The following CDCP2 variants were observed in gnomAD, a reference collection of about 807,000 sequenced individuals.
CDCP2 encodes CUB domain-containing protein 2.
A neutral mutation model predicts 31.0 loss-of-function variants in CDCP2; 31 were observed. The ratio of observed to expected loss-of-function variants is 1.00; its 90% CI spans 0.75 to 1.35. The LOEUF (loss-of-function observed/expected upper bound fraction) is 1.35. Ranked by LOEUF, CDCP2 falls within the 40% of genes most tolerant of loss-of-function variation. The pLI is 0.00. For missense variants in CDCP2, 443 were observed against 482.6 expected, an observed-to-expected ratio of 0.92 and a Z score of 0.77; for synonymous variants, 206 against 207.9, an observed-to-expected ratio of 0.99 and a Z score of 0.08.
exon 4 of CDCP2, chr1:54,139,946 G>A (rs770160528): frequency 6.2e-7 from 1 of 1,614,218 alleles, no homozygotes; most frequent in Non-Finnish European, 8.5e-7. Context: ...TGGTCAGGCT[G>A]TTGGGCTCCT....
At chr1:54,144,960 T>C in intron 1 of CDCP2, 147 bp from the exon 2 acceptor site, 1 of 614,186 alleles carries the variant, frequency 1.6e-6, no homozygotes, top group Non-Finnish European at 2.9e-6. Flanking sequence ...TGCATCTACT[T>C]ATTCTTCAGA....
chr1:54,139,782 C>CGGG, exon 4 of CDCP2: 1 of 1,614,162 alleles, frequency 6.2e-7, no homozygotes, highest in Non-Finnish European at 8.5e-7. Context: ...GAAGCCCCTG[C>CGGG]GGGTGGTGCT....
chr1:54,135,042 C>T (rs751310013), intron 5 of CDCP2, among the ~76,000 whole-genome samples: 8 of 152,126 alleles, frequency 5.3e-5, no homozygotes, highest in Non-Finnish European at 1.0e-4. Flanking sequence ...AGCTCCTGCT[C>T]CCATCTGAGA....
chr1:54,141,135 G>A (rs992720751), exon 3 of CDCP2: 6 of 1,542,968 alleles, frequency 3.9e-6, no homozygotes, highest in East Asian at 4.5e-5. Context: ...GGCCTCCGAT[G>A]TTGAAGTCGG....
At chr1:54,140,470 T>C in intron 3 of CDCP2, 1 of 358,474 alleles carries the variant, frequency 2.8e-6, no homozygotes, top group Non-Finnish European at 5.3e-6. Flanking sequence ...TTTCCCCTTT[T>C]CTCACTGCCC....
At chr1:54,133,379 G>A (rs1214084486) in intron 5 of CDCP2, 85 bp from the exon 6 acceptor site, 14 of 397,970 alleles carry the variant, frequency 3.5e-5, no homozygotes, top group Admixed American at 2.6e-4. Context: ...TCAGTACCAG[G>A]GGGGCAGAGC....
intron 1 of CDCP2, among the ~76,000 whole-genome samples, chr1:54,151,449 T>A (rs1659582794): frequency 6.6e-6 from 1 of 152,162 alleles, no homozygotes; most frequent in Non-Finnish European, 1.5e-5. Flanking sequence ...CGCCAGAGCA[T>A]CAGAGTGGAA....
In CDCP2 at chr1:54,140,121, G is replaced by T; in HGVS notation, c.764-15C>A. 6.2e-7 allele frequency: 1 copy of T among 1,610,708 alleles called. No homozygotes were observed. ...CTGGCATTCTCCTGGATGGGGGATGGGGAGGTGGAAGGAGCAACAGTGAGG... is the reference window on the plus strand; with the variant it reads ...CTGGCATTCTCCTGGATGGGGGATGTGGAGGTGGAAGGAGCAACAGTGAGG... On this transcript the variant is annotated splice_polypyrimidine_tract_variant and intron_variant, in intron 3 of 5. Coordinates refer to ENST00000530059, the Ensembl canonical transcript of CDCP2.
chr1:54,148,297 A>T (rs899799552), intron 1 of CDCP2, among the ~76,000 whole-genome samples: 1 of 151,200 alleles, frequency 6.6e-6, no homozygotes, highest in Non-Finnish European at 1.5e-5. Flanking sequence ...AGGCAGGAGG[A>T]TCACTTGAAC....
chr1:54,137,515 T>C (rs1216490828), intron 4 of CDCP2, among the ~76,000 whole-genome samples: 1 of 152,194 alleles, frequency 6.6e-6, no homozygotes, highest in Non-Finnish European at 1.5e-5. Flanking sequence ...TGGAAATGGA[T>C]GCTCTGAGAG....
intron 4 of CDCP2, among the ~76,000 whole-genome samples, chr1:54,137,314 A>G (rs1009386911): frequency 6.6e-6 from 1 of 152,152 alleles, no homozygotes; most frequent in Admixed American, 6.5e-5. Context: ...AATGTAAAAT[A>G]CACCCACGTG....
chr1:54,139,876 G>A lies in CDCP2; in HGVS notation c.994C>T (p.Leu332=), dbSNP rs763598257. Residue 332 remains leucine, a synonymous_variant, in exon 4 of 6, where the codon CTG becomes TTG. Coordinates refer to ENST00000530059, the Ensembl canonical transcript of CDCP2. ...AGGTGGTGTCCACACCAATTCCCCA[G>A]CAGGGGTGCCTCCTCGCTGGCCCCA... 3 of 1,614,136 alleles carry A rather than the reference G, an allele frequency of 1.9e-6. No individual in the cohort carries two copies. The Admixed American group carries it at 5.0e-5, about 27-fold the overall frequency.
intron 1 of CDCP2, 94 bp from the exon 2 acceptor site, chr1:54,144,907 G>T: frequency 1.1e-6 from 1 of 892,792 alleles, no homozygotes; most frequent in Non-Finnish European, 1.7e-6. Flanking sequence ...CTGGGTTCTT[G>T]GGATGGGATG....
chr1:54,132,847 G>A, downstream of CDCP2: 1 of 397,630 alleles, frequency 2.5e-6, no homozygotes, highest in Non-Finnish European at 4.4e-6. Flanking sequence ...GGAAATGGAG[G>A]CTCAGAGAGG....
At position 54,139,783 on chromosome 1, in the gene CDCP2, G is replaced by A. The variant is rs140548583; in HGVS notation, c.1087C>T (p.Arg363Cys). 60 of 1,614,198 alleles carry A rather than the reference G, an allele frequency of 3.7e-5. No homozygotes were observed. The East Asian group carries it at 6.9e-4, about 19-fold the overall frequency. The change falls in exon 4 of 6, where the codon CGC becomes TGC. Residue 363 changes from arginine to cysteine, a missense_variant. Transcript: ENST00000530059. Reference sequence around the variant, plus strand: ...ATGTAGGCCACAGAGAAGCCCCTGCGGGTGGTGCTGCGGTCTGTGTGCAGC... The same window carrying A: ...ATGTAGGCCACAGAGAAGCCCCTGCAGGTGGTGCTGCGGTCTGTGTGCAGC...
chr1:54,141,327 A>G (rs1353499715), exon 3 of CDCP2: 14 of 1,614,226 alleles, frequency 8.7e-6, no homozygotes, highest in Non-Finnish European at 1.2e-5. Context: ...GGGCAGGGCC[A>G]GCGGCCCGGA....
chr1:54,133,917 A>C (rs200648276), intron 5 of CDCP2, among the ~76,000 whole-genome samples: 7 of 16,702 alleles, frequency 4.2e-4, no homozygotes, highest in African/African-American at 5.9e-4. Context: ...AACAAACAAA[A>C]AAAACCCCAT....
At position 54,139,736 on chromosome 1, in the gene CDCP2, C is replaced by T; in HGVS notation, c.1117+17G>A. 1 of 1,614,208 alleles carries T rather than the reference C, an allele frequency of 6.2e-7. No homozygotes were observed. Among genetic ancestry groups the T allele is most frequent in the Non-Finnish European group, 8.5e-7 (1 of 1,180,032 alleles). On this transcript the variant is annotated intron_variant, in intron 4 of 5. Transcript: ENST00000530059. ...CCCCTTCGCCCTCAGTGGACCCACT[C>T]CCACAGCCCAGCTGACCTCCGATGT...
At chr1:54,150,805 T>C (rs1259443100) in intron 1 of CDCP2, among the ~76,000 whole-genome samples, 1 of 152,176 alleles carries the variant, frequency 6.6e-6, no homozygotes, top group African/African-American at 2.4e-5. Context: ...AGGTTGAGTT[T>C]CTGTCACTTG....
Sources: allele counts gnomAD v4.1 joint callset (sites outside exome capture counted in the v4.1 genomes callset), GRCh38; gene constraint gnomAD v4.1.1; transcripts MANE v1.5; gene names NCBI Gene and HGNC (gene_info 2026-07-23, HGNC 2026-07-21).